Variants in LPCAT1 observed in about 807,000 individuals in gnomAD.
The protein encoded by LPCAT1 is lysophosphatidylcholine acyltransferase 1, also known as 1-acylglycerol-3-phosphate O-acyltransferase.
Under a neutral mutation model 60.9 loss-of-function variants are expected in LPCAT1, and 23 were observed. The ratio of observed to expected loss-of-function variants is 0.38; its 90% CI spans 0.27 to 0.53. LPCAT1 has a LOEUF of 0.53. Ranked by LOEUF, LPCAT1 falls within the 20% of genes least tolerant of loss-of-function variation. The pLI is 0.82. For missense variants in LPCAT1, 622 were observed against 723.6 expected (o/e 0.86, Z 1.61); for synonymous variants, 340 against 301.1 (o/e 1.13, Z -1.34).
chr5:1,508,787 A>C (rs567940007), intron 1 of LPCAT1, among the ~76,000 whole-genome samples: 2 of 152,358 alleles, frequency 1.3e-5, no homozygotes, highest in East Asian at 3.9e-4. Context: ...CTCTGAGTGA[A>C]GGCGCCGGTG....
chr5:1,515,997 G>A (rs930129043), intron 1 of LPCAT1, among the ~76,000 whole-genome samples: 1 of 152,250 alleles, frequency 6.6e-6, no homozygotes, highest in Non-Finnish European at 1.5e-5. Flanking sequence ...CAGGGGCTGT[G>A]GGCCCTGGCA....
At position 1,469,789 on chromosome 5, in the gene LPCAT1, TA is replaced by T. The variant is rs373916134; in HGVS notation, c.1278+1036del. Among the ~76,000 whole-genome samples, 420 of 137,634 alleles carry T rather than the reference TA, an allele frequency of 3.1e-3. 3 individuals carry two copies. The highest frequency in any genetic ancestry group is 0.019 in the East Asian group (89 of 4,768). The allele number at this position is 137,634 out of a possible 152,430, so 90.3% of individuals were successfully genotyped here. On this transcript the variant is annotated intron_variant, in intron 12 of 13. Transcript: ENST00000283415. ...GAGCGAGACTCCATCTCACAAAAAT[TA>T]AAAAAAAAAAAACAACAGGGCACAG...
intron 1 of LPCAT1, among the ~76,000 whole-genome samples, chr5:1,509,758 GC>G (rs931981487): frequency 6.6e-6 from 1 of 152,156 alleles, no homozygotes; most frequent in African/African-American, 2.4e-5. Context: ...CAGCGATCAC[GC>G]CCACAATGAA....
chr5:1,507,714 C>T (rs919132507), intron 1 of LPCAT1, among the ~76,000 whole-genome samples: 35 of 152,304 alleles, frequency 2.3e-4, no homozygotes, highest in Non-Finnish European at 2.8e-4. Context: ...AGGGCTGGCT[C>T]GAGGCCTACC....
At chr5:1,506,225 G>A (rs894729124) in intron 1 of LPCAT1, among the ~76,000 whole-genome samples, 3 of 152,202 alleles carry the variant, frequency 2.0e-5, no homozygotes, top group African/African-American at 7.2e-5. Context: ...GCCCCAGGCA[G>A]GAGGAGGAGC....
At chr5:1,508,992 G>A (rs1450746033) in intron 1 of LPCAT1, among the ~76,000 whole-genome samples, 9 of 152,376 alleles carry the variant, frequency 5.9e-5, no homozygotes, top group South Asian at 2.1e-4. Context: ...ACGCCATCGC[G>A]GTGCCCGACA....
chr5:1,469,531 C>G (rs566865282), intron 12 of LPCAT1, among the ~76,000 whole-genome samples: 38 of 152,336 alleles, frequency 2.5e-4, no homozygotes, highest in Non-Finnish European at 5.0e-4. Context: ...AATCCCAGCA[C>G]TTTGGGATGC....
chr5:1,461,923 G>A lies in LPCAT1; in HGVS notation c.*1728C>T, dbSNP rs916576856. The A allele has an allele frequency of 6.6e-6, 1 of 152,532 alleles. No individual in the cohort carries two copies. Among genetic ancestry groups the A allele is most frequent in the Non-Finnish European group, 1.5e-5 (1 of 68,042 alleles). 9.4% of individuals were successfully genotyped at this position (152,532 alleles called of 1,614,324 possible). A position where few individuals can be genotyped will look rare whatever the true frequency, so the allele number is the denominator to read the frequency against. On this transcript the variant is annotated 3_prime_UTR_variant, in exon 14 of 14. Coordinates refer to ENST00000283415, the MANE Select transcript of LPCAT1 (RefSeq NM_024830.5). ...CCAATTATAAAATCAGTGACTGTTA[G>A]CTACCAAAGGCTGCACTAGGATTTC...
chr5:1,511,345 G>T (rs956804474), intron 1 of LPCAT1, among the ~76,000 whole-genome samples: 3 of 152,184 alleles, frequency 2.0e-5, no homozygotes, highest in Non-Finnish European at 4.4e-5. Flanking sequence ...CCCCTCAGGG[G>T]ACACCACCTG....
chr5:1,470,981 C>T (rs1439335043), intron 11 of LPCAT1, 57 bp from the exon 12 acceptor site: 1 of 1,409,166 alleles, frequency 7.1e-7, no homozygotes, highest in East Asian at 2.3e-5. Flanking sequence ...TGGAGAAACG[C>T]CAGGGTTTCC....
chr5:1,515,464 C>T lies in LPCAT1; in HGVS notation c.135+8246G>A, dbSNP rs573288487. 2.0e-5 allele frequency among the ~76,000 whole-genome samples: 3 copies of T among 147,586 alleles called. 1 individual carries two copies. In the South Asian group the frequency reaches 6.5e-4, roughly 32 times the overall value. On this transcript the variant is annotated intron_variant, in intron 1 of 13. Coordinates refer to ENST00000283415, the MANE Select transcript of LPCAT1 (RefSeq NM_024830.5). ...CAAGGTCCCCCACCTCCCCCGCCAGCCCAGAACATCCTGGCCCAAGTCCCA... is the reference window on the plus strand; with the variant it reads ...CAAGGTCCCCCACCTCCCCCGCCAGTCCAGAACATCCTGGCCCAAGTCCCA...
chr5:1,512,681 C>T (rs1484631849), intron 1 of LPCAT1, among the ~76,000 whole-genome samples: 4 of 152,208 alleles, frequency 2.6e-5, no homozygotes, highest in Non-Finnish European at 5.9e-5. Flanking sequence ...TTCCTCCCAT[C>T]GGGGGGCTCT....
rs755076181 is a variant in LPCAT1 at position 1,466,807 on chromosome 5, G to A, written c.1362C>T (p.Leu454=). ...TGGCTCGGAATAGGTCGGTCACGGT[G>A]AGCTCTGCCACCCCCAGGGCCGTCT... ...ILKTALGVAE[L]TVTDLFRAID... The change falls in exon 13 of 14, where the codon CTC becomes CTT. Residue 454 remains leucine (L), a synonymous_variant. Coordinates refer to ENST00000283415, the MANE Select transcript of LPCAT1 (RefSeq NM_024830.5). The A allele has an allele frequency of 4.3e-6, 7 of 1,613,082 alleles. No individual in the cohort carries two copies. The highest frequency in any genetic ancestry group is 2.2e-5 in the South Asian group (2 of 90,966).
chr5:1,475,844 G>A (rs27057), intron 9 of LPCAT1, among the ~76,000 whole-genome samples: 68,427 of 110,104 alleles, frequency 0.62, 20,245 homozygotes, highest in East Asian at 0.85. Context: ...AGGAGTCCGA[G>A]GCTGCTTCTC....
At chr5:1,485,682 T>G (rs919974555) in intron 5 of LPCAT1, among the ~76,000 whole-genome samples, 24 of 152,100 alleles carry the variant, frequency 1.6e-4, no homozygotes, top group African/African-American at 5.8e-4. Flanking sequence ...GGGAGAGCCG[T>G]GTCCACATCT....
At chr5:1,486,676 G>C (rs538427846) in intron 5 of LPCAT1, among the ~76,000 whole-genome samples, 1 of 152,000 alleles carries the variant, frequency 6.6e-6, no homozygotes, top group Non-Finnish European at 1.5e-5. Context: ...TCAGGATCAC[G>C]CACCACACAC....
intron 1 of LPCAT1, among the ~76,000 whole-genome samples, chr5:1,504,289 A>G (rs1736114572): frequency 6.6e-6 from 1 of 152,164 alleles, no homozygotes; most frequent in Non-Finnish European, 1.5e-5. Context: ...ACTGTTTCAT[A>G]TTTTGTTGCA....
At chr5:1,472,545 A>G (rs1734724802) in intron 11 of LPCAT1, among the ~76,000 whole-genome samples, 1 of 152,094 alleles carries the variant, frequency 6.6e-6, no homozygotes. Flanking sequence ...CTATCTCATA[A>G]GATCATGTGC....
intron 1 of LPCAT1, chr5:1,510,889 G>A (rs1736336137): frequency 1.3e-5 from 2 of 152,452 alleles, no homozygotes; most frequent in African/African-American, 2.4e-5. Flanking sequence ...GAGGGCAGGC[G>A]GGCCTGGAGG....
Sources: gnomAD v4.1 joint callset for allele counts (sites outside exome capture counted in the v4.1 genomes callset) on GRCh38, gnomAD v4.1.1 for gene constraint, MANE v1.5 for transcripts, NCBI Gene and HGNC (gene_info 2026-07-23, HGNC 2026-07-21) for gene names.